ERBB4: variants seen among roughly 807,000 people sequenced by gnomAD.
ERBB4 encodes erb-b2 receptor tyrosine kinase 4.
ERBB4 carries 42 observed loss-of-function variants against 158.0 expected under a neutral mutation model. That is an observed-to-expected ratio of 0.27 (90% confidence interval 0.21 to 0.34). The LOEUF (loss-of-function observed/expected upper bound fraction) is 0.34. ERBB4 is among the 10% of genes least tolerant of loss of function. The probability of loss-of-function intolerance (pLI) is 1.00; values close to 1 mark genes in which losing one functional copy is unlikely to be tolerated. For synonymous variants in ERBB4, 583 were observed against 558.7 expected (o/e 1.04, Z -0.61); for missense variants, 1,333 against 1,624.1 (o/e 0.82, Z 3.08).
chr2:212,397,567 G>T (rs2106453429), intron 1 of ERBB4, among the ~76,000 whole-genome samples: 1 of 151,864 alleles, frequency 6.6e-6, no homozygotes, highest in East Asian at 1.9e-4. Flanking sequence ...CAAATCAATG[G>T]GATTTTACAA....
intron 1 of ERBB4, among the ~76,000 whole-genome samples, chr2:212,226,260 C>T (rs1413673457): frequency 1.3e-5 from 2 of 152,102 alleles, no homozygotes; most frequent in Admixed American, 1.3e-4. Flanking sequence ...CTTCCAACAA[C>T]CTAACTGAGC....
chr2:212,371,114 T>C (rs1025023403), intron 1 of ERBB4, among the ~76,000 whole-genome samples: 2 of 152,132 alleles, frequency 1.3e-5, no homozygotes, highest in African/African-American at 4.8e-5. Context: ...ATCCTCCAGA[T>C]TTTTACTGCC....
chr2:212,232,902 A>G (rs2083719118), intron 1 of ERBB4, among the ~76,000 whole-genome samples: 1 of 151,228 alleles, frequency 6.6e-6, no homozygotes, highest in East Asian at 1.9e-4. Context: ...AGAGATTTTT[A>G]ATGCAATTAT....
chr2:211,466,542 A>G (rs2064694851), intron 20 of ERBB4, among the ~76,000 whole-genome samples: 1 of 152,090 alleles, frequency 6.6e-6, no homozygotes, highest in Non-Finnish European at 1.5e-5. Flanking sequence ...CTGATCTCCA[A>G]CAACATTGCA....
intron 2 of ERBB4, among the ~76,000 whole-genome samples, chr2:212,007,265 A>G (rs2076280729): frequency 6.6e-6 from 1 of 151,934 alleles, no homozygotes; most frequent in African/African-American, 2.4e-5. Context: ...AAGGAAAAAA[A>G]GTCTTTTAAA....
intron 1 of ERBB4, among the ~76,000 whole-genome samples, chr2:212,469,979 T>A (rs1689035413): frequency 6.6e-6 from 1 of 152,174 alleles, no homozygotes; most frequent in African/African-American, 2.4e-5. Context: ...ACTGAACTTT[T>A]CAAAACCTTC....
chr2:212,191,087 G>A, intron 1 of ERBB4, among the ~76,000 whole-genome samples: 1 of 151,466 alleles, frequency 6.6e-6, no homozygotes, highest in South Asian at 2.1e-4. Flanking sequence ...AAGTTTAATA[G>A]CAAGTATAAA....
chr2:211,769,004 T>C (rs2075626196), intron 4 of ERBB4, among the ~76,000 whole-genome samples: 1 of 152,208 alleles, frequency 6.6e-6, no homozygotes, highest in South Asian at 2.1e-4. Flanking sequence ...TTCCAAACAA[T>C]ATCTTTGTGA....
chr2:212,255,337 C>G (rs2084689274), intron 1 of ERBB4, among the ~76,000 whole-genome samples: 3 of 151,990 alleles, frequency 2.0e-5, no homozygotes, highest in Admixed American at 2.0e-4. Flanking sequence ...GTGGCTAATT[C>G]AGCAAAATTT....
chr2:211,413,662 T>C (rs560692012), intron 25 of ERBB4, among the ~76,000 whole-genome samples: 2 of 152,208 alleles, frequency 1.3e-5, no homozygotes, highest in Admixed American at 6.5e-5. Context: ...CTTGTGTCCA[T>C]AGGGTTTTCT....
chr2:211,495,302 T>C (rs2065443007), intron 20 of ERBB4, among the ~76,000 whole-genome samples: 1 of 152,076 alleles, frequency 6.6e-6, no homozygotes, highest in South Asian at 2.1e-4. Flanking sequence ...ATCAAAATAA[T>C]TGTTAAAGAT....
intron 19 of ERBB4, among the ~76,000 whole-genome samples, chr2:211,585,556 A>T (rs1368219917): frequency 6.6e-6 from 1 of 152,138 alleles, no homozygotes; most frequent in Non-Finnish European, 1.5e-5. Flanking sequence ...ATATTTAATT[A>T]TACATGTTTA....
Position 211,798,715 on chromosome 2 carries a change from T to C in ERBB4, c.422-10556A>G, listed in dbSNP as rs547698630. 5.3e-5 allele frequency among the ~76,000 whole-genome samples: 8 copies of C among 152,250 alleles called. No individual in the cohort carries two copies. In the South Asian group the frequency reaches 1.7e-3, roughly 32 times the overall value. On this transcript the variant is annotated intron_variant, in intron 3 of 27. Coordinates refer to ENST00000342788, the MANE Select transcript of ERBB4 (RefSeq NM_005235.3). The stretch of plus-strand genomic sequence containing the variant: ...CAAATGAAAACCTTTGAGAGATACA[T>C]GAAATCCCCATTAAGTTTGGTGCCT...
At chr2:211,732,281 C>G (rs952749923) in intron 5 of ERBB4, among the ~76,000 whole-genome samples, 1 of 151,838 alleles carries the variant, frequency 6.6e-6, no homozygotes, top group Non-Finnish European at 1.5e-5. Context: ...TAATTTTGCA[C>G]TTTAAGGATT....
At chr2:211,513,496 T>C (rs1442213521) in intron 20 of ERBB4, among the ~76,000 whole-genome samples, 2 of 152,088 alleles carry the variant, frequency 1.3e-5, no homozygotes, top group Middle Eastern at 3.2e-3. Context: ...CCTCTCTCTA[T>C]GAAATCCCTA....
At chr2:212,049,572 T>C (rs1171218928) in intron 2 of ERBB4, among the ~76,000 whole-genome samples, 4 of 152,184 alleles carry the variant, frequency 2.6e-5, no homozygotes, top group Non-Finnish European at 4.4e-5. Context: ...GCTATCCTTT[T>C]TGTTTTCTCA....
At chr2:212,252,925 A>C (rs961779901) in intron 1 of ERBB4, among the ~76,000 whole-genome samples, 18 of 152,254 alleles carry the variant, frequency 1.2e-4, no homozygotes, top group Admixed American at 1.1e-3. Context: ...CAGACACATA[A>C]TCAAAAGATA....
At chr2:211,518,713 G>C (rs551941137) in intron 20 of ERBB4, among the ~76,000 whole-genome samples, 8 of 152,066 alleles carry the variant, frequency 5.3e-5, no homozygotes, top group African/African-American at 1.9e-4. Context: ...ACTTATATTA[G>C]GCTGTAGACG....
intron 2 of ERBB4, among the ~76,000 whole-genome samples, chr2:211,963,383 A>G (rs1008671050): frequency 6.6e-6 from 1 of 152,180 alleles, no homozygotes; most frequent in Non-Finnish European, 1.5e-5. Flanking sequence ...GTTTAATTTT[A>G]TAGCTTGTAG....
Sources: allele counts gnomAD v4.1 joint callset (sites outside exome capture counted in the v4.1 genomes callset), GRCh38; gene constraint gnomAD v4.1.1; transcripts MANE v1.5; gene names NCBI Gene and HGNC (gene_info 2026-07-23, HGNC 2026-07-21).